USO1: variants seen among roughly 807,000 people sequenced by gnomAD.
The protein encoded by USO1 is general vesicular transport factor p115.
Under a neutral mutation model 124.5 loss-of-function variants are expected in USO1, and 57 were observed. The observed-to-expected ratio is 0.46, with a 90% CI of 0.37 to 0.57. USO1 has a LOEUF of 0.57. Among genes scored for constraint, USO1 ranks in the 20% least tolerant of loss-of-function variants. USO1 has a pLI of 0.00. For synonymous variants in USO1, 369 were observed against 362.8 expected (o/e 1.02, Z -0.19); for missense variants, 900 against 1,040.6 (o/e 0.86, Z 1.86).
chr4:75,796,022 G>A (rs1458922196), intron 13 of USO1, among the ~76,000 whole-genome samples: 2 of 152,028 alleles, frequency 1.3e-5, no homozygotes, highest in East Asian at 1.9e-4. Context: ...GAATAATGTG[G>A]GTAGTAATAA....
chr4:75,773,640 ATTTC>A (rs1721995491), intron 7 of USO1, among the ~76,000 whole-genome samples: 1 of 152,138 alleles, frequency 6.6e-6, no homozygotes, highest in Non-Finnish European at 1.5e-5. Flanking sequence ...TCTCCACTGT[ATTTC>A]TTCTTCTCTT....
At chr4:75,787,017 T>C (rs1722380614) in intron 9 of USO1, 45 bp from the exon 10 acceptor site, 2 of 1,534,786 alleles carry the variant, frequency 1.3e-6, no homozygotes, top group African/African-American at 2.8e-5. Context: ...CTCAAGCCTT[T>C]TCAAATCTTT....
chr4:75,773,392 G>A (rs972659752), intron 7 of USO1, among the ~76,000 whole-genome samples: 1 of 152,058 alleles, frequency 6.6e-6, no homozygotes, highest in Non-Finnish European at 1.5e-5. Flanking sequence ...TTGAAAGCTA[G>A]TGGGTTCTAT....
At chr4:75,807,177 T>G (rs1425646047) in intron 20 of USO1, among the ~76,000 whole-genome samples, 2 of 152,118 alleles carry the variant, frequency 1.3e-5, no homozygotes, top group Admixed American at 6.6e-5. Flanking sequence ...TTTAAATGTA[T>G]TGTTCAAGAA....
Position 75,770,500 on chromosome 4 carries a change from G to A in USO1, c.357G>A (p.Lys119=). The change falls in exon 5 of 24, where the codon AAG becomes AAA. Residue 119 remains lysine (K), a synonymous_variant. Coordinates refer to ENST00000514213, the MANE Select transcript of USO1 (RefSeq NM_003715.4). ...GCCAATTTACAGAAATTTTCATTAA[G>A]CAGCAGGAAAATGTCACTCTTCTGT... ...LGSQFTEIFI[K]QQENVTLLLS... The A allele has an allele frequency of 6.3e-7, 1 of 1,596,200 alleles. No individual in the cohort carries two copies. The highest frequency in any genetic ancestry group is 1.7e-4 in the Middle Eastern group (1 of 6,038).
chr4:75,789,776 CT>C (rs1223788517), intron 10 of USO1, among the ~76,000 whole-genome samples: 1 of 150,638 alleles, frequency 6.6e-6, no homozygotes, highest in Non-Finnish European at 1.5e-5. Flanking sequence ...ATTTTAAAAC[CT>C]TTTTCTGTTT....
chr4:75,752,276 T>G, intron 1 of USO1, 97 bp from the exon 2 acceptor site: 1 of 396,290 alleles, frequency 2.5e-6, no homozygotes. Flanking sequence ...ACATCCCATG[T>G]GCTGATTTTT....
chr4:75,738,706 C>G (rs1326439650), intron 1 of USO1, among the ~76,000 whole-genome samples: 10 of 151,930 alleles, frequency 6.6e-5, no homozygotes. Flanking sequence ...TTCTTGAACT[C>G]CTGGGCTCAA....
intron 18 of USO1, 178 bp from the exon 19 acceptor site, chr4:75,804,962 G>A: frequency 1.4e-6 from 1 of 734,210 alleles, no homozygotes; most frequent in Non-Finnish European, 2.0e-6. Context: ...CCAGAAATCT[G>A]GAAAATACTA....
rs774868347 is a variant in USO1 at position 75,813,302 on chromosome 4, A to G, written c.*7A>G. 33 of 1,591,078 alleles carry G rather than the reference A, an allele frequency of 2.1e-5. 1 individual carries two copies. The highest frequency in any genetic ancestry group is 1.7e-4 in the Middle Eastern group (1 of 5,956). On this transcript the variant is annotated 3_prime_UTR_variant, in exon 24 of 24. Transcript: ENST00000514213. The stretch of plus-strand genomic sequence containing the variant: ...GGATCTAGATCATATCTAGTTTTCA[A>G]ATCTCTAGGAACAATAGAGATTATA...
chr4:75,733,192 G>A (rs962604432), intron 1 of USO1, among the ~76,000 whole-genome samples: 3 of 152,012 alleles, frequency 2.0e-5, no homozygotes, highest in Non-Finnish European at 4.4e-5. Context: ...CCAGGAGGCA[G>A]AGGTTGCAGT....
At chr4:75,764,516 T>C (rs931883332) in intron 4 of USO1, among the ~76,000 whole-genome samples, 16 of 152,216 alleles carry the variant, frequency 1.1e-4, no homozygotes, top group African/African-American at 3.9e-4. Context: ...TTTTGAAATA[T>C]ACTAACCAAG....
chr4:75,803,220 A>G (rs1722903280), intron 17 of USO1, among the ~76,000 whole-genome samples: 1 of 152,094 alleles, frequency 6.6e-6, no homozygotes, highest in Admixed American at 6.5e-5. Context: ...TTATGGTTTG[A>G]AAACTATGTA....
intron 10 of USO1, among the ~76,000 whole-genome samples, chr4:75,788,681 T>A (rs1284495613): frequency 6.6e-6 from 1 of 151,910 alleles, no homozygotes; most frequent in Non-Finnish European, 1.5e-5. Flanking sequence ...TAGCTGGGAT[T>A]ACAGGCGACT....
At chr4:75,797,900 C>T (rs2149187290) in intron 13 of USO1, among the ~76,000 whole-genome samples, 1 of 152,262 alleles carries the variant, frequency 6.6e-6, no homozygotes, top group South Asian at 2.1e-4. Flanking sequence ...ACCTCAGCCT[C>T]CCAAAGTGCT....
At chr4:75,805,343 A>C in intron 19 of USO1, 40 bp downstream of exon 19, 1 of 1,492,612 alleles carries the variant, frequency 6.7e-7, no homozygotes, top group Non-Finnish European at 8.9e-7. Flanking sequence ...AGAGTTCAAG[A>C]GTGGTTCTCA....
intron 1 of USO1, chr4:75,745,266 T>C: frequency 2.0e-6 from 1 of 496,362 alleles, no homozygotes; most frequent in Admixed American, 2.3e-5. Context: ...GATTATAACT[T>C]TCCCAAATTG....
intron 1 of USO1, among the ~76,000 whole-genome samples, chr4:75,728,645 T>C (rs1720534980): frequency 6.6e-6 from 1 of 152,178 alleles, no homozygotes; most frequent in South Asian, 2.1e-4. Flanking sequence ...AGAGCGAGAC[T>C]GTCTCAAAAA....
rs897136658 is a variant in USO1, at chr4:75,806,698, A to G, written c.2376+126A>G. ...AAGTAAAATTTAAGTTAAGACAGCC[A>G]TTTGAAAATCCAGAAGCTGTTTCTA... On this transcript the variant is annotated intron_variant, in intron 20 of 23. Coordinates refer to ENST00000514213, the MANE Select transcript of USO1 (RefSeq NM_003715.4). 4 of 1,265,768 alleles carry G rather than the reference A, an allele frequency of 3.2e-6. No homozygotes were observed. In the South Asian group the frequency reaches 4.9e-5, roughly 15 times the overall value. The allele number at this position is 1,265,768 out of a possible 1,614,324, so 78.4% of individuals were successfully genotyped here.
Sources: allele counts gnomAD v4.1 joint callset (sites outside exome capture counted in the v4.1 genomes callset), GRCh38; gene constraint gnomAD v4.1.1; transcripts MANE v1.5; gene names NCBI Gene and HGNC (gene_info 2026-07-23, HGNC 2026-07-21).